FAM161A: variants seen among roughly 807,000 people sequenced by gnomAD.
FAM161A encodes the protein protein FAM161A.
In FAM161A, 57 loss-of-function variants were observed where a neutral mutation model predicts 70.9. The ratio of observed to expected loss-of-function variants is 0.80; its 90% CI spans 0.65 to 1.00. FAM161A has a LOEUF of 1.00. Ranked by LOEUF, FAM161A falls within the 50% of genes least tolerant of loss-of-function variation. The pLI is 0.00. For missense variants in FAM161A, 880 were observed against 836.0 expected, an observed-to-expected ratio of 1.05 and a Z score of -0.65; for synonymous variants, 299 against 295.7, an observed-to-expected ratio of 1.01 and a Z score of -0.12.
intron 1 of FAM161A, among the ~76,000 whole-genome samples, chr2:61,842,838 A>C (rs985593794): frequency 6.6e-6 from 1 of 152,168 alleles, no homozygotes; most frequent in East Asian, 1.9e-4. Context: ...AGGCAGGGAA[A>C]TAGAGGAAAT....
chr2:61,836,516 G>A (rs1672780718), intron 4 of FAM161A: 3 of 156,804 alleles, frequency 1.9e-5, no homozygotes, highest in African/African-American at 7.2e-5. Context: ...TCTCTGTAAG[G>A]AATTTCTCCT....
At chr2:61,828,284 GA>G (rs35901888) in intron 5 of FAM161A, among the ~76,000 whole-genome samples, 128,194 of 144,750 alleles carry the variant, frequency 0.89, 56,861 homozygotes, top group East Asian at 0.99. Context: ...AAAGATATCT[GA>G]AAAAAAAAAA....
chr2:61,830,173 T>C lies in FAM161A; in HGVS notation c.1852-2915A>G, dbSNP rs1354937547. Among the ~76,000 whole-genome samples, 3 of 152,066 alleles carry C rather than the reference T, an allele frequency of 2.0e-5. No homozygotes were observed. The East Asian group carries it at 5.8e-4, about 29-fold the overall frequency. Reference sequence around the variant, plus strand: ...TAACATTTTAGTAGGGGAATGAAAATGGTAAGGCGAAGGTATAATGAATGG... The same window carrying C: ...TAACATTTTAGTAGGGGAATGAAAACGGTAAGGCGAAGGTATAATGAATGG... On this transcript the variant is annotated intron_variant, in intron 5 of 6. Transcript: ENST00000404929.
intron 6 of FAM161A, 135 bp downstream of exon 6, chr2:61,826,969 T>C (rs1214374881): frequency 5.1e-6 from 4 of 781,584 alleles, no homozygotes; most frequent in Non-Finnish European, 8.3e-6. Flanking sequence ...CAACAGTTCA[T>C]ATGTCTTTTA....
chr2:61,836,343 C>A, intron 4 of FAM161A: 2 of 460,062 alleles, frequency 4.3e-6, no homozygotes, highest in Non-Finnish European at 7.8e-6. Context: ...TGAGATCACA[C>A]ATATTATGCT....
At chr2:61,833,111 C>T (rs577386238) in intron 5 of FAM161A, among the ~76,000 whole-genome samples, 1 of 151,924 alleles carries the variant, frequency 6.6e-6, no homozygotes, top group African/African-American at 2.4e-5. Flanking sequence ...ATTATTAACA[C>T]AAGAAAAAAT....
chr2:61,813,105 G>A, the FAM161A span, among the ~76,000 whole-genome samples: 1 of 151,888 alleles, frequency 6.6e-6, no homozygotes, highest in Non-Finnish European at 1.5e-5. Flanking sequence ...ATTTGGTAGT[G>A]AATAGTCTTG....
At position 61,839,799 on chromosome 2, in the gene FAM161A, G is replaced by C. The variant is rs1553354522; in HGVS notation, c.1205C>G (p.Ser402Ter). The C allele has an allele frequency of 1.9e-6, 3 of 1,614,166 alleles. No homozygotes were observed. Among genetic ancestry groups the C allele is most frequent in the Non-Finnish European group, 2.5e-6 (3 of 1,180,036 alleles). The change falls in exon 3 of 7, where the codon TCA (serine) becomes TGA (stop). Residue 402 changes from serine (S) to a stop codon, truncating the protein, a stop_gained. Transcript: ENST00000404929. LOFTEE classifies it high-confidence loss of function. Reference sequence around the variant, plus strand: ...CCTGGGGTTCCTGCATCCACAAGCTGACCTACAAGGCAGAGGAGATGAGTT... The same window carrying C: ...CCTGGGGTTCCTGCATCCACAAGCTCACCTACAAGGCAGAGGAGATGAGTT... ...LQNSSPLPCR[S>*]ACGCRNPRCP... is the part of the protein sequence containing the mutation.
downstream of FAM161A, chr2:61,820,253 G>A (rs1188926853): frequency 3.1e-6 from 2 of 648,590 alleles, no homozygotes; most frequent in East Asian, 5.6e-5. Flanking sequence ...CTCTTCACTG[G>A]AGGATCGAGC....
chr2:61,811,346 C>A, the FAM161A span, among the ~76,000 whole-genome samples: 3 of 151,792 alleles, frequency 2.0e-5, no homozygotes, highest in Non-Finnish European at 4.4e-5. Context: ...TACAGGTATG[C>A]GCCGCCGCAC....
At chr2:61,802,153 C>T in the FAM161A span, among the ~76,000 whole-genome samples, 1 of 152,154 alleles carries the variant, frequency 6.6e-6, no homozygotes. Flanking sequence ...AAAAGTACTG[C>T]ATTTGACTTC....
intron 1 of FAM161A, among the ~76,000 whole-genome samples, chr2:61,849,069 A>AT (rs1673396785): frequency 3.2e-3 from 1 of 308 alleles, no homozygotes; most frequent in Non-Finnish European, 5.1e-3. Flanking sequence ...TATATATATA[A>AT]ATATATATAT....
In FAM161A at chr2:61,842,352, C is replaced by T; in HGVS notation, c.192G>A (p.Leu64=). The T allele has an allele frequency of 6.4e-7, 1 of 1,558,094 alleles. No homozygotes were observed. Among genetic ancestry groups the T allele is most frequent in the East Asian group, 2.4e-5 (1 of 41,554 alleles). ...CATCCACCCCAGAAAAGCTGGTGTT[C>T]AAATCAGCCTGGTGGGGAGAAAACA... ...VAQPAGASAD[L]NTSFSGVDEH... is the part of the protein sequence containing the mutation. Residue 64 remains leucine, a synonymous_variant, in exon 2 of 7, where the codon TTG becomes TTA. Coordinates refer to ENST00000404929, the MANE Select transcript of FAM161A (RefSeq NM_001201543.2).
chr2:61,809,091 T>C, the FAM161A span, among the ~76,000 whole-genome samples: 3 of 152,186 alleles, frequency 2.0e-5, no homozygotes, highest in Non-Finnish European at 4.4e-5. Context: ...CAGGCTGGTC[T>C]CAAATTCCTG....
At chr2:61,808,181 A>T in the FAM161A span, among the ~76,000 whole-genome samples, 2 of 152,232 alleles carry the variant, frequency 1.3e-5, no homozygotes, top group African/African-American at 4.8e-5. Context: ...TATCTTTTCA[A>T]AAGAAGTATT....
At chr2:61,837,564 T>C (rs1672819775) in intron 4 of FAM161A, among the ~76,000 whole-genome samples, 1 of 151,956 alleles carries the variant, frequency 6.6e-6, no homozygotes, top group Non-Finnish European at 1.5e-5. Flanking sequence ...AGGTCAGGAG[T>C]TTGAGACCAG....
rs934437794 is a variant in FAM161A, at chr2:61,825,377, T to C, written c.*1078A>G. The C allele has an allele frequency of 4.4e-6, 2 of 454,212 alleles. No homozygotes were observed. The highest frequency in any genetic ancestry group is 2.3e-5 in the Admixed American group (1 of 42,558). The allele number at this position is 454,212 out of a possible 1,614,324, so 28.1% of individuals were successfully genotyped here. On this transcript the variant is annotated 3_prime_UTR_variant, in exon 7 of 7. Coordinates refer to ENST00000404929, the MANE Select transcript of FAM161A (RefSeq NM_001201543.2). ...GAGACTTGCCCTAGCCAAGTTATTA[T>C]GCACAATTTCATCATATAAAAAAAG...
At chr2:61,827,913 G>A (rs1265240888) in intron 5 of FAM161A, among the ~76,000 whole-genome samples, 2 of 152,154 alleles carry the variant, frequency 1.3e-5, no homozygotes, top group African/African-American at 4.8e-5. Flanking sequence ...ATGAACTACA[G>A]TTACATGCCA....
chr2:61,806,126 G>T, the FAM161A span, among the ~76,000 whole-genome samples: 4 of 152,080 alleles, frequency 2.6e-5, no homozygotes, highest in Admixed American at 1.3e-4. Context: ...GCTGAGGCAG[G>T]AGAATCGCTT....
Sources: allele counts gnomAD v4.1 joint callset (sites outside exome capture counted in the v4.1 genomes callset), GRCh38; gene constraint gnomAD v4.1.1; transcripts MANE v1.5; gene names NCBI Gene and HGNC (gene_info 2026-07-23, HGNC 2026-07-21).